The following THSD7B variants were observed in gnomAD, a reference collection of about 807,000 sequenced individuals.
The protein encoded by THSD7B is thrombospondin type 1 domain containing 7B.
THSD7B carries 138 observed loss-of-function variants against 213.6 expected under a neutral mutation model. The observed-to-expected ratio is 0.65, with a 90% CI of 0.56 to 0.74. The LOEUF (loss-of-function observed/expected upper bound fraction) is 0.74. Ranked by LOEUF, THSD7B falls within the 30% of genes least tolerant of loss-of-function variation. The pLI, the probability that THSD7B is intolerant of heterozygous loss-of-function variation, is 0.00. For synonymous variants in THSD7B, 742 were observed against 687.0 expected (o/e 1.08, Z -1.25); for missense variants, 1,931 against 1,991.5 (o/e 0.97, Z 0.58).
chr2:137,152,006 ATTTTTT>A (rs201462563), intron 5 of THSD7B, among the ~76,000 whole-genome samples: 37 of 137,638 alleles, frequency 2.7e-4, no homozygotes, highest in African/African-American at 6.4e-4. Context: ...AGCTACCTTA[ATTTTTT>A]TTTTTTTTTT....
chr2:137,528,927 T>G (rs1028807871), intron 15 of THSD7B, among the ~76,000 whole-genome samples: 1 of 152,096 alleles, frequency 6.6e-6, no homozygotes. Flanking sequence ...TTCTATCAAC[T>G]GCATTCTAGC....
At chr2:137,255,185 C>T (rs992080936) in intron 10 of THSD7B, among the ~76,000 whole-genome samples, 2 of 152,076 alleles carry the variant, frequency 1.3e-5, no homozygotes, top group Admixed American at 6.6e-5. Flanking sequence ...GAAAGTTAAT[C>T]AAAGCAGAGG....
chr2:137,555,216 T>C (rs1573704766), intron 15 of THSD7B, among the ~76,000 whole-genome samples: 2 of 152,228 alleles, frequency 1.3e-5, no homozygotes, highest in Non-Finnish European at 2.9e-5. Context: ...AGCATGGAGT[T>C]TGAGATTGGA....
chr2:136,771,805 C>T (rs184280542), intron 1 of THSD7B, among the ~76,000 whole-genome samples: 23 of 152,030 alleles, frequency 1.5e-4, no homozygotes, highest in African/African-American at 5.6e-4. Context: ...ACTGAGAATT[C>T]TGGAAAATGT....
chr2:137,486,271 C>T (rs1218111021), intron 15 of THSD7B, among the ~76,000 whole-genome samples: 1 of 151,358 alleles, frequency 6.6e-6, no homozygotes, highest in Non-Finnish European at 1.5e-5. Context: ...CAGAGACACA[C>T]ATAGGCTCAA....
intron 1 of THSD7B, among the ~76,000 whole-genome samples, chr2:136,836,442 G>A (rs1293213286): frequency 6.6e-6 from 1 of 152,118 alleles, no homozygotes; most frequent in Non-Finnish European, 1.5e-5. Context: ...TGGCTAGCAG[G>A]GATGAGATTT....
chr2:137,402,815 C>CAA (rs34623127), intron 12 of THSD7B, among the ~76,000 whole-genome samples: 57 of 83,048 alleles, frequency 6.9e-4, no homozygotes, highest in Admixed American at 9.0e-4. Context: ...AACTCCATCT[C>CAA]AAAAAAAAAA....
chr2:137,537,895 A>G (rs1056906583), intron 15 of THSD7B, among the ~76,000 whole-genome samples: 7 of 151,736 alleles, frequency 4.6e-5, no homozygotes, highest in African/African-American at 1.7e-4. Flanking sequence ...CAGGGAGCAC[A>G]CAGTCTAGTT....
At chr2:136,804,175 C>T (rs183557448) in intron 1 of THSD7B, among the ~76,000 whole-genome samples, 12 of 152,222 alleles carry the variant, frequency 7.9e-5, no homozygotes, top group African/African-American at 2.6e-4. Context: ...AGTGCATGCT[C>T]TGTGAATACT....
chr2:137,151,596 C>T (rs891938872), intron 5 of THSD7B, among the ~76,000 whole-genome samples: 1 of 151,792 alleles, frequency 6.6e-6, no homozygotes, highest in African/African-American at 2.4e-5. Flanking sequence ...CTGCCTGAGG[C>T]TGTTTTACAG....
At chr2:137,099,217 A>G (rs1022289074) in intron 4 of THSD7B, among the ~76,000 whole-genome samples, 75 of 152,238 alleles carry the variant, frequency 4.9e-4, no homozygotes, top group Non-Finnish European at 2.8e-4. Flanking sequence ...CTTGGATGTC[A>G]TGTTATTCTA....
At chr2:136,877,798 G>T (rs774028240) in intron 1 of THSD7B, among the ~76,000 whole-genome samples, 14 of 152,070 alleles carry the variant, frequency 9.2e-5, no homozygotes, top group Non-Finnish European at 1.6e-4. Context: ...AATCCCAACA[G>T]TGCTTGGGAG....
intron 12 of THSD7B, among the ~76,000 whole-genome samples, chr2:137,366,898 C>T (rs575849684): frequency 1.3e-5 from 2 of 151,894 alleles, no homozygotes; most frequent in Non-Finnish European, 2.9e-5. Context: ...TTACAAAAAC[C>T]CTTTAAATTA....
chr2:137,219,084 C>G (rs979666940), intron 7 of THSD7B, among the ~76,000 whole-genome samples: 17 of 151,934 alleles, frequency 1.1e-4, no homozygotes, highest in African/African-American at 4.1e-4. Context: ...TCCCCTAGTT[C>G]ACCACTGCAA....
chr2:137,265,627 G>A (rs1252477473), intron 10 of THSD7B, among the ~76,000 whole-genome samples: 3 of 152,208 alleles, frequency 2.0e-5, no homozygotes, highest in Admixed American at 6.5e-5. Flanking sequence ...AAATAAAAAG[G>A]TCCAGTGATC....
chr2:136,827,568 T>C (rs1360360747), intron 1 of THSD7B, among the ~76,000 whole-genome samples: 2 of 151,938 alleles, frequency 1.3e-5, no homozygotes, highest in African/African-American at 2.4e-5. Context: ...GAAAATGGGG[T>C]GATGAGGGGC....
chr2:137,141,688 T>C (rs201831656), intron 5 of THSD7B, among the ~76,000 whole-genome samples: 1 of 20,400 alleles, frequency 4.9e-5, no homozygotes, highest in Admixed American at 6.8e-4. Context: ...TATGTGCGTG[T>C]GTGTGTGTGT....
rs554872503 is a variant in THSD7B at position 137,398,514 on chromosome 2, T to C, written c.2501-7099T>C. Among the ~76,000 whole-genome samples the C allele has an allele frequency of 6.8e-3, 1,033 of 152,134 alleles. 10 individuals carry two copies. The highest frequency in any genetic ancestry group is 0.024 in the African/African-American group (989 of 41,526). ...CAGGGACCCACTTGAGGAGGCAGTC[T>C]ACCCGTTCTCAGATCTCCAGCTGCG... On this transcript the variant is annotated intron_variant, in intron 12 of 27. Coordinates refer to ENST00000409968, the MANE Select transcript of THSD7B (RefSeq NM_001316349.2).
At chr2:136,858,804 C>CG (rs1683215601) in intron 1 of THSD7B, among the ~76,000 whole-genome samples, 1 of 152,196 alleles carries the variant, frequency 6.6e-6, no homozygotes, top group African/African-American at 2.4e-5. Flanking sequence ...CTTAAGCAGA[C>CG]GTCCCATAAT....
Sources: gnomAD v4.1 joint callset for allele counts (sites outside exome capture counted in the v4.1 genomes callset) on GRCh38, gnomAD v4.1.1 for gene constraint, MANE v1.5 for transcripts, NCBI Gene and HGNC (gene_info 2026-07-23, HGNC 2026-07-21) for gene names.